The following NUMBL variants were observed in gnomAD, a reference collection of about 807,000 sequenced individuals.
NUMBL encodes numb-like protein.
In NUMBL, 20 loss-of-function variants were observed where a neutral mutation model predicts 48.9. The ratio of observed to expected loss-of-function variants is 0.41; its 90% CI spans 0.29 to 0.59. NUMBL has a LOEUF of 0.59. NUMBL is among the 20% of genes least tolerant of loss of function. NUMBL has a pLI of 0.31. For synonymous variants in NUMBL, 340 were observed against 348.7 expected, an observed-to-expected ratio of 0.98 and a Z score of 0.28; for missense variants, 660 against 846.2, an observed-to-expected ratio of 0.78 and a Z score of 2.73.
In NUMBL at chr19:40,682,384, C is replaced by CA. The variant is rs1232660216; in HGVS notation, c.399+343dup. The stretch of plus-strand genomic sequence containing the variant: ...AGGTAATCTACCCTCCTTGGCCTCC[C>CA]AAAGTACTGGGATTACAGGCGTGAG... On this transcript the variant is annotated intron_variant, in intron 5 of 9. Coordinates refer to ENST00000252891, the MANE Select transcript of NUMBL (RefSeq NM_004756.5). The surrounding 1 kb of genome is among the most constrained non-coding windows in gnomAD (Gnocchi z 4.0). Among the ~76,000 whole-genome samples, 2 of 152,140 alleles carry CA rather than the reference C, an allele frequency of 1.3e-5. No individual in the cohort carries two copies. The highest frequency in any genetic ancestry group is 6.5e-5 in the Admixed American group (1 of 15,274).
At position 40,666,146 on chromosome 19, in the gene NUMBL, T is replaced by G. The variant is rs958140076; in HGVS notation, c.*1322A>C. ...TTGAGCTAATTAGAAGTAGTTTTTT[T>G]TTTTTTGTTTTTTTTTTTTGAGACA... On this transcript the variant is annotated 3_prime_UTR_variant, in exon 10 of 10. Coordinates refer to ENST00000252891, the MANE Select transcript of NUMBL (RefSeq NM_004756.5). 3.9e-5 allele frequency: 3 copies of G among 76,868 alleles called. No homozygotes were observed. The highest frequency in any genetic ancestry group is 8.1e-5 in the African/African-American group (1 of 12,280). 4.8% of individuals were successfully genotyped at this position (76,868 alleles called of 1,614,324 possible).
In NUMBL at chr19:40,669,912, G is replaced by C. The variant is rs2081837408; in HGVS notation, c.1145C>G (p.Pro382Arg). 1 of 1,613,518 alleles carries C rather than the reference G, an allele frequency of 6.2e-7. No homozygotes were observed. Among genetic ancestry groups the C allele is most frequent in the Non-Finnish European group, 8.5e-7 (1 of 1,179,630 alleles). Residue 382 changes from proline to arginine, a missense_variant, in exon 9 of 10, where the codon CCA (proline) becomes CGA (arginine). Pro to Arg is a moderately radical substitution (Grantham distance 103). Coordinates refer to ENST00000252891, the MANE Select transcript of NUMBL (RefSeq NM_004756.5). ...ASAGAPAPGPPPATTGTSAWG... is the reference protein window; with the variant it reads ...ASAGAPAPGPRPATTGTSAWG... ...CCTGGCTTTACCTGTTGTGGCAGGTGGTGGCCCTGGTGCTGGCGCTCCAGC... is the reference window on the plus strand; with the variant it reads ...CCTGGCTTTACCTGTTGTGGCAGGTCGTGGCCCTGGTGCTGGCGCTCCAGC...
At position 40,673,382 on chromosome 19, in the gene NUMBL, G is replaced by A. The variant is rs1443625255; in HGVS notation, c.998C>T (p.Thr333Met). ...CTGGAAGTCAGTGCGGCGCTGCAGCGTGGATGGCAGCTCATTCAGCCGTAG... is the reference window on the plus strand; with the variant it reads ...CTGGAAGTCAGTGCGGCGCTGCAGCATGGATGGCAGCTCATTCAGCCGTAG... ...LSLRLNELPS[T>M]LQRRTDFQVK... is the part of the protein sequence containing the mutation. The change falls in exon 8 of 10, where the codon ACG becomes ATG. Residue 333 changes from threonine to methionine, a missense_variant. Coordinates refer to ENST00000252891, the MANE Select transcript of NUMBL (RefSeq NM_004756.5). This position sits in a 1 kb window ranked among gnomAD's most constrained non-coding sequence, Gnocchi z 5.9. 3.1e-6 allele frequency: 5 copies of A among 1,613,934 alleles called. No homozygotes were observed. The highest frequency in any genetic ancestry group is 1.1e-5 in the South Asian group (1 of 91,058).
chr19:40,682,840 G>A lies in NUMBL; in HGVS notation c.325-38C>T. ...AAGGGGACAAAGGAGCCGGGTCAGGGTGCCTCTCCCTGTCTGACCTTGCCC... is the reference window on the plus strand; with the variant it reads ...AAGGGGACAAAGGAGCCGGGTCAGGATGCCTCTCCCTGTCTGACCTTGCCC... On this transcript the variant is annotated intron_variant, in intron 4 of 9. Transcript: ENST00000252891. The surrounding 1 kb of genome is among the most constrained non-coding windows in gnomAD (Gnocchi z 4.0). 6.2e-7 allele frequency: 1 copy of A among 1,614,024 alleles called. No homozygotes were observed. Among genetic ancestry groups the A allele is most frequent in the Non-Finnish European group, 8.5e-7 (1 of 1,179,944 alleles).
intron 9 of NUMBL, 121 bp from the exon 10 acceptor site, chr19:40,668,259 C>T (rs2081827559): frequency 6.9e-7 from 1 of 1,440,494 alleles, no homozygotes; most frequent in African/African-American, 1.4e-5. Flanking sequence ...CCGCCTGCCT[C>T]TGAATCCCAG....
Position 40,683,124 on chromosome 19 carries a change from C to G in NUMBL, c.250-156G>C. On this transcript the variant is annotated intron_variant, in intron 3 of 9. Coordinates refer to ENST00000252891, the MANE Select transcript of NUMBL (RefSeq NM_004756.5). ...GCATCTCAACTCTACAAGGTGGAGA[C>G]CCCATTCCTGGTCTAGACATGCAGA... 5 of 704,270 alleles carry G rather than the reference C, an allele frequency of 7.1e-6. No homozygotes were observed. The South Asian group carries it at 8.5e-5, about 12-fold the overall frequency. 43.6% of individuals were successfully genotyped at this position (704,270 alleles called of 1,614,324 possible). A position where few individuals can be genotyped will look rare whatever the true frequency, so the allele number is the denominator to read the frequency against.
At chr19:40,685,302 A>ATGTGTGTGTG (rs57140242) in intron 2 of NUMBL, 2 of 151,240 alleles carry the variant, frequency 1.3e-5, no homozygotes, top group African/African-American at 4.9e-5. Flanking sequence ...GCAGAGGGGG[A>ATGTGTGTGTG]TGTGTGTGTG....
chr19:40,687,379 C>T lies in NUMBL; in HGVS notation c.25-384G>A, dbSNP rs1264176713. 2.6e-5 allele frequency among the ~76,000 whole-genome samples: 4 copies of T among 152,202 alleles called. No individual in the cohort carries two copies. Among genetic ancestry groups the T allele is most frequent in the Non-Finnish European group, 5.9e-5 (4 of 68,030 alleles). On this transcript the variant is annotated intron_variant, in intron 1 of 9. Transcript: ENST00000252891. The surrounding 1 kb of genome is among the most constrained non-coding windows in gnomAD (Gnocchi z 4.6). ...TGGTTACACATAGACGCAATCACAG[C>T]TACACACCTCAGATCGCAGATACAC... is the stretch of plus-strand genomic sequence containing the variant.
chr19:40,678,493 A>G (rs1370105624), intron 6 of NUMBL, among the ~76,000 whole-genome samples: 3 of 147,926 alleles, frequency 2.0e-5, no homozygotes, highest in African/African-American at 7.6e-5. Flanking sequence ...GGAAAAAGAG[A>G]CAAGAGATCT....
intron 2 of NUMBL, chr19:40,684,921 A>G (rs1041162060): frequency 1.2e-5 from 3 of 251,722 alleles, no homozygotes; most frequent in Non-Finnish European, 2.3e-5. Flanking sequence ...AGGGTGGGAA[A>G]TCAGACGTAG....
At chr19:40,676,070 G>T (rs1206584194) in intron 7 of NUMBL, among the ~76,000 whole-genome samples, 1 of 152,008 alleles carries the variant, frequency 6.6e-6, no homozygotes, top group East Asian at 1.9e-4. Flanking sequence ...TCCCTATGTT[G>T]CCCAGGTTGA....
intron 6 of NUMBL, among the ~76,000 whole-genome samples, 163 bp downstream of exon 6, chr19:40,680,754 G>A (rs1336665345): frequency 6.6e-6 from 1 of 152,084 alleles, no homozygotes; most frequent in Non-Finnish European, 1.5e-5. Context: ...CGGCCCTCAC[G>A]TGAATACTCT....
chr19:40,679,835 T>C (rs1211592519), intron 6 of NUMBL, among the ~76,000 whole-genome samples: 2 of 151,940 alleles, frequency 1.3e-5, no homozygotes, highest in Non-Finnish European at 2.9e-5. Context: ...ACGGGGTGAA[T>C]TGATGAATGG....
At chr19:40,669,801 ATCCCAAGACC>A in intron 9 of NUMBL, 87 bp downstream of exon 9, 1 of 1,484,138 alleles carries the variant, frequency 6.7e-7, no homozygotes, top group Non-Finnish European at 9.1e-7. Context: ...AGCCTGTAGG[ATCCCAAGACC>A]CCTGGAGTGT....
Position 40,673,985 on chromosome 19 carries a change from G to A in NUMBL, c.731-336C>T, listed in dbSNP as rs908040637. Among the ~76,000 whole-genome samples the A allele has an allele frequency of 6.6e-6, 1 of 152,124 alleles. No homozygotes were observed. Among genetic ancestry groups the A allele is most frequent in the Non-Finnish European group, 1.5e-5 (1 of 68,034 alleles). Reference sequence around the variant, plus strand: ...ACTTAACAAACACTGATTTGGTGCTGGAACAACGTATCAGGCATTGTTCCA... The same window carrying A: ...ACTTAACAAACACTGATTTGGTGCTAGAACAACGTATCAGGCATTGTTCCA... On this transcript the variant is annotated intron_variant, in intron 7 of 9. Coordinates refer to ENST00000252891, the MANE Select transcript of NUMBL (RefSeq NM_004756.5). This position sits in a 1 kb window ranked among gnomAD's most constrained non-coding sequence, Gnocchi z 5.9.
chr19:40,671,776 G>A (rs1490553289), intron 8 of NUMBL, among the ~76,000 whole-genome samples: 1 of 152,204 alleles, frequency 6.6e-6, no homozygotes, highest in African/African-American at 2.4e-5. Context: ...GACCACATGG[G>A]TTCACTGGCT....
Position 40,667,268 on chromosome 19 carries a change from TCCGTC to T in NUMBL, c.*195_*199del, listed in dbSNP as rs1032566083. ...AAATGGTTCCCTTAGCCAGGCTGGG[TCCGTC>T]CCTGAATTCCATCCTGTTGCAACCT... On this transcript the variant is annotated 3_prime_UTR_variant, in exon 10 of 10. Coordinates refer to ENST00000252891, the MANE Select transcript of NUMBL (RefSeq NM_004756.5). The surrounding 1 kb of genome is among the most constrained non-coding windows in gnomAD (Gnocchi z 6.1). 23 of 728,396 alleles carry T rather than the reference TCCGTC, an allele frequency of 3.2e-5. No individual in the cohort carries two copies. Among genetic ancestry groups the T allele is most frequent in the African/African-American group, 3.0e-4 (17 of 55,968 alleles). The allele number at this position is 728,396 out of a possible 1,614,324, so 45.1% of individuals were successfully genotyped here.
At chr19:40,678,361 T>C (rs2144658360) in intron 6 of NUMBL, among the ~76,000 whole-genome samples, 1 of 152,268 alleles carries the variant, frequency 6.6e-6, no homozygotes, top group Non-Finnish European at 1.5e-5. Context: ...TGGGATTTCA[T>C]GATGTTGGTG....
chr19:40,665,932 TTA>T lies in NUMBL; in HGVS notation c.*1534_*1535del, dbSNP rs1247757304. On this transcript the variant is annotated 3_prime_UTR_variant, in exon 10 of 10. Coordinates refer to ENST00000252891, the MANE Select transcript of NUMBL (RefSeq NM_004756.5). The stretch of plus-strand genomic sequence containing the variant: ...TTAAAGAGCTATAACGAAACAAAAT[TTA>T]TATGTTATATATTTTTAAAAATACA... 3 of 152,154 alleles carry T rather than the reference TTA, an allele frequency of 2.0e-5. No homozygotes were observed. Among genetic ancestry groups the T allele is most frequent in the African/African-American group, 2.4e-5 (1 of 41,428 alleles). The allele number at this position is 152,154 out of a possible 1,614,324, so 9.4% of individuals were successfully genotyped here. A position where few individuals can be genotyped will look rare whatever the true frequency, so the allele number is the denominator to read the frequency against.
Sources: gnomAD v4.1 joint callset for allele counts (sites outside exome capture counted in the v4.1 genomes callset) on GRCh38, gnomAD v4.1.1 for gene constraint, Gnocchi (gnomAD v3.1) non-coding constraint, MANE v1.5 for transcripts, NCBI Gene and HGNC (gene_info 2026-07-23, HGNC 2026-07-21) for gene names.